Variants in CAPN14 observed in about 807,000 individuals in gnomAD.
CAPN14 encodes the protein calpain-14.
Under a neutral mutation model 101.3 loss-of-function variants are expected in CAPN14, and 94 were observed. That is an observed-to-expected ratio of 0.93 (90% CI 0.79 to 1.10). CAPN14 has a LOEUF of 1.10. CAPN14 is among the 50% of genes least tolerant of loss of function. The probability of loss-of-function intolerance (pLI) is 0.00; values close to 1 mark genes in which losing one functional copy is unlikely to be tolerated. For missense variants in CAPN14, 837 were observed against 828.4 expected, an observed-to-expected ratio of 1.01 and a Z score of -0.13; for synonymous variants, 338 against 317.9, an observed-to-expected ratio of 1.06 and a Z score of -0.67.
At chr2:31,213,222 G>A (rs1682484670) in intron 1 of CAPN14, among the ~76,000 whole-genome samples, 1 of 152,184 alleles carries the variant, frequency 6.6e-6, no homozygotes, top group Non-Finnish European at 1.5e-5. Flanking sequence ...TCCTCTCTGA[G>A]CTGGCTTCCT....
At position 31,189,432 on chromosome 2, in the gene CAPN14, T is replaced by C. The variant is rs551754163; in HGVS notation, c.1334A>G (p.Asn445Ser). ...RRLPPEFFQR[N>S]TPLSQPDRFL... ...CCTATCAGGCTGGCTCAGAGGAGTG[T>C]TTCTCTGGAAGAACTCAGGGGGCAG... is the stretch of plus-strand genomic sequence containing the variant. Residue 445 changes from asparagine (N) to serine (S), a missense_variant, in exon 13 of 22, where the codon AAC becomes AGC. Transcript: ENST00000403897. 3.9e-6 allele frequency: 6 copies of C among 1,551,682 alleles called. No individual in the cohort carries two copies. The African/African-American group carries it at 4.1e-5, about 11-fold the overall frequency.
intron 2 of CAPN14, among the ~76,000 whole-genome samples, chr2:31,223,072 G>A (rs1468414598): frequency 6.6e-6 from 1 of 152,170 alleles, no homozygotes; most frequent in African/African-American, 2.4e-5. Context: ...CCGTGATCTC[G>A]GGCTTCCAAC....
chr2:31,186,011 G>A (rs886659075), intron 16 of CAPN14, among the ~76,000 whole-genome samples: 7 of 152,050 alleles, frequency 4.6e-5, no homozygotes, highest in African/African-American at 1.7e-4. Flanking sequence ...CCAGAGTTTT[G>A]TTGCTTGATC....
intron 2 of CAPN14, among the ~76,000 whole-genome samples, chr2:31,204,905 C>G (rs1681991475): frequency 6.6e-6 from 1 of 152,158 alleles, no homozygotes; most frequent in Non-Finnish European, 1.5e-5. Context: ...AGGTCACAAC[C>G]TGGGACTTGT....
chr2:31,176,504 C>T, intron 21 of CAPN14, 83 bp downstream of exon 21: 2 of 1,023,246 alleles, frequency 2.0e-6, no homozygotes, highest in Non-Finnish European at 3.0e-6. Flanking sequence ...TCCCCAGAGC[C>T]CTTCTCCTTC....
rs1477030626 is a variant in CAPN14, at chr2:31,178,537, G to C, written c.1753C>G (p.Leu585Val). Residue 585 changes from leucine (L) to valine (V), a missense_variant, in exon 18 of 22, where the codon CTG (leucine) becomes GTG (valine). Leu to Val is a conservative substitution (Grantham distance 32). Transcript: ENST00000403897. ...TGAGAGAGCTTCAGCTGCTTCCACA[G>C]GTCCCTGAATTCCTGGATGCTCATA... ...GTMSIQEFRD[L>V]WKQLKLSQKV... 3.2e-6 allele frequency: 5 copies of C among 1,549,906 alleles called. No individual in the cohort carries two copies. In the Admixed American group the frequency reaches 5.9e-5, roughly 18 times the overall value.
At chr2:31,183,517 G>C (rs1418635178) in intron 16 of CAPN14, among the ~76,000 whole-genome samples, 1 of 152,014 alleles carries the variant, frequency 6.6e-6, no homozygotes, top group African/African-American at 2.4e-5. Context: ...CCATCAAAAA[G>C]TGGGCAAAGG....
chr2:31,197,205 T>C, intron 8 of CAPN14, 44 bp downstream of exon 8: 2 of 1,380,950 alleles, frequency 1.4e-6, no homozygotes, highest in Admixed American at 2.0e-5. Flanking sequence ...CTCCTTTGCC[T>C]AACCTACCTG....
At position 31,178,504 on chromosome 2, in the gene CAPN14, T is replaced by G. The variant is rs142326235; in HGVS notation, c.1779+7A>C. 3.2e-6 allele frequency: 5 copies of G among 1,549,890 alleles called. No individual in the cohort carries two copies. The highest frequency in any genetic ancestry group is 2.0e-5 in the Admixed American group (1 of 50,948). On this transcript the variant is annotated splice_region_variant and intron_variant, in intron 18 of 21. Coordinates refer to ENST00000403897, the MANE Select transcript of CAPN14 (RefSeq NM_001145122.2). ...TCCAAAGAGGTGTGGTTAAGACTTG[T>G]TCTTACCTGAGAGAGCTTCAGCTGC...
chr2:31,188,929 C>A (rs1237754734), intron 13 of CAPN14, among the ~76,000 whole-genome samples: 1 of 152,220 alleles, frequency 6.6e-6, no homozygotes, highest in African/African-American at 2.4e-5. Context: ...GCTCTTGTAA[C>A]ACCCTGTGCA....
At chr2:31,191,715 T>C (rs1681188715) in intron 11 of CAPN14, among the ~76,000 whole-genome samples, 2 of 152,260 alleles carry the variant, frequency 1.3e-5, no homozygotes, top group Non-Finnish European at 2.9e-5. Context: ...TCCTCTTTTA[T>C]TCTACCCTTT....
chr2:31,229,419 A>G (rs1271984540), intron 1 of CAPN14, among the ~76,000 whole-genome samples: 1 of 152,210 alleles, frequency 6.6e-6, no homozygotes, highest in Non-Finnish European at 1.5e-5. Context: ...TTTTTAAAAT[A>G]AAGGATAAAA....
upstream of CAPN14, among the ~76,000 whole-genome samples, chr2:31,219,207 C>G (rs200556452): frequency 6.6e-6 from 1 of 152,154 alleles, no homozygotes; most frequent in East Asian, 1.9e-4. Context: ...GCCACCGAGA[C>G]GCATAGGGTA....
chr2:31,226,897 G>C (rs1021484331), intron 1 of CAPN14, among the ~76,000 whole-genome samples: 1 of 152,110 alleles, frequency 6.6e-6, no homozygotes, highest in African/African-American at 2.4e-5. Flanking sequence ...TGTGGACTGA[G>C]GGGAAAGTGA....
At chr2:31,229,261 C>T (rs189558095) in intron 1 of CAPN14, among the ~76,000 whole-genome samples, 166 of 152,108 alleles carry the variant, frequency 1.1e-3, no homozygotes, top group African/African-American at 3.9e-3. Flanking sequence ...TTTTTCTAGT[C>T]CTTGGTTTGA....
Position 31,201,880 on chromosome 2 carries a change from A to G in CAPN14, c.533T>C (p.Leu178Pro). ...TYKNLFWGAL[L>P]EKAYAKLSGS... is the part of the protein sequence containing the mutation. ...TTCTTACTTGGCATAGGCCTTTTCC[A>G]GAAGTGCTCCCCAGAACAAGTTCTT... Residue 178 changes from leucine to proline, a missense_variant, in exon 5 of 22, where the codon CTG (leucine) becomes CCG (proline). Coordinates refer to ENST00000403897, the MANE Select transcript of CAPN14 (RefSeq NM_001145122.2). 1 of 1,551,770 alleles carries G rather than the reference A, an allele frequency of 6.4e-7. No individual in the cohort carries two copies. Among genetic ancestry groups the G allele is most frequent in the Admixed American group, 2.0e-5 (1 of 51,008 alleles).
intron 10 of CAPN14, among the ~76,000 whole-genome samples, chr2:31,192,436 G>C (rs1040664358): frequency 5.3e-5 from 8 of 152,192 alleles, no homozygotes; most frequent in African/African-American, 1.9e-4. Flanking sequence ...GATCCTAGGG[G>C]CCTTTGCATT....
chr2:31,176,361 G>T (rs1680283358), intron 21 of CAPN14, among the ~76,000 whole-genome samples: 1 of 152,246 alleles, frequency 6.6e-6, no homozygotes. Context: ...TGCAATCAGA[G>T]TTATTGGATA....
At chr2:31,216,495 C>G (rs1009278504) in intron 1 of CAPN14, among the ~76,000 whole-genome samples, 2 of 152,118 alleles carry the variant, frequency 1.3e-5, no homozygotes, top group Non-Finnish European at 2.9e-5. Context: ...GAGGAAGTCA[C>G]AGTCCAACGA....
Sources: gnomAD v4.1 joint callset for allele counts (sites outside exome capture counted in the v4.1 genomes callset) on GRCh38, gnomAD v4.1.1 for gene constraint, MANE v1.5 for transcripts, NCBI Gene and HGNC (gene_info 2026-07-23, HGNC 2026-07-21) for gene names.